The following PDE10A variants were observed in gnomAD, a reference collection of about 807,000 sequenced individuals.
PDE10A encodes the protein cAMP and cAMP-inhibited cGMP 3',5'-cyclic phosphodiesterase 10A.
PDE10A carries 39 observed loss-of-function variants against 97.7 expected under a neutral mutation model. That is an observed-to-expected ratio of 0.40 (90% CI 0.31 to 0.52). The LOEUF is 0.52. Ranked by LOEUF, PDE10A falls within the 20% of genes least tolerant of loss-of-function variation. The pLI is 0.56. For synonymous variants in PDE10A, 371 were observed against 376.8 expected (o/e 0.98, Z 0.18); for missense variants, 731 against 1,047.8 (o/e 0.70, Z 4.17).
chr6:165,944,100 G>A (rs1432028676), intron 1 of PDE10A, among the ~76,000 whole-genome samples: 2 of 152,322 alleles, frequency 1.3e-5, no homozygotes, highest in African/African-American at 4.8e-5. Context: ...TCTTCACATG[G>A]CAGCAGCAAG....
intron 1 of PDE10A, among the ~76,000 whole-genome samples, chr6:165,554,068 G>A (rs748132262): frequency 6.6e-6 from 1 of 152,050 alleles, no homozygotes; most frequent in Non-Finnish European, 1.5e-5. Flanking sequence ...GGCACCAGAC[G>A]CTCAAATATA....
chr6:165,364,886 A>G (rs986774129), intron 18 of PDE10A, among the ~76,000 whole-genome samples: 52 of 152,180 alleles, frequency 3.4e-4, no homozygotes, highest in African/African-American at 1.2e-3. Context: ...AGGAAACAAA[A>G]GCAGAAATAA....
In PDE10A at chr6:165,637,609, C is replaced by T. The variant is rs554430131; in HGVS notation, c.865+24338G>A. Among the ~76,000 whole-genome samples the T allele has an allele frequency of 8.4e-4, 128 of 152,312 alleles. 1 individual carries two copies. The highest frequency in any genetic ancestry group is 3.4e-3 in the Middle Eastern group (1 of 294). Reference sequence around the variant, plus strand: ...GCATAACAGGGTCACAAAAACAAAACCCCACTTTGTTTCCAGGCATCATGT... The same window carrying T: ...GCATAACAGGGTCACAAAAACAAAATCCCACTTTGTTTCCAGGCATCATGT... On this transcript the variant is annotated intron_variant, in intron 1 of 21. Transcript: ENST00000539869.
At chr6:165,508,618 C>T (rs1781336751) in intron 2 of PDE10A, among the ~76,000 whole-genome samples, 1 of 151,982 alleles carries the variant, frequency 6.6e-6, no homozygotes, top group Admixed American at 6.6e-5. Context: ...AGCTATTCTC[C>T]ACACTGGTGA....
At chr6:165,616,362 C>T (rs1205079229) in intron 1 of PDE10A, among the ~76,000 whole-genome samples, 1 of 152,114 alleles carries the variant, frequency 6.6e-6, no homozygotes, top group Non-Finnish European at 1.5e-5. Flanking sequence ...CTTCAGCAGC[C>T]ATTGCATGAT....
chr6:165,916,887 C>G (rs1726056886), intron 1 of PDE10A, among the ~76,000 whole-genome samples: 1 of 152,074 alleles, frequency 6.6e-6, no homozygotes, highest in African/African-American at 2.4e-5. Flanking sequence ...ACCTCCCACT[C>G]CACCATACAT....
At chr6:165,499,891 G>C (rs1780764024) in intron 2 of PDE10A, among the ~76,000 whole-genome samples, 2 of 152,108 alleles carry the variant, frequency 1.3e-5, no homozygotes, top group Non-Finnish European at 2.9e-5. Context: ...AAAAGTCAAT[G>C]TTCATTCAGG....
chr6:165,890,474 C>T (rs1461098757), intron 1 of PDE10A, among the ~76,000 whole-genome samples: 1 of 151,012 alleles, frequency 6.6e-6, no homozygotes, highest in Non-Finnish European at 1.5e-5. Flanking sequence ...TTTTTGTCCT[C>T]CTGAGTATGT....
At chr6:165,348,995 T>C (rs1467841720) in intron 18 of PDE10A, among the ~76,000 whole-genome samples, 2 of 152,192 alleles carry the variant, frequency 1.3e-5, no homozygotes, top group African/African-American at 4.8e-5. Context: ...CTTTATAAAT[T>C]ACCCAGTCTT....
chr6:165,755,298 C>T (rs1793092686), intron 1 of PDE10A, among the ~76,000 whole-genome samples: 1 of 152,260 alleles, frequency 6.6e-6, no homozygotes, highest in Middle Eastern at 3.4e-3. Flanking sequence ...CTAATAGTTG[C>T]CCAACTCTCA....
At chr6:165,599,967 T>C (rs1366064567) in intron 1 of PDE10A, among the ~76,000 whole-genome samples, 1 of 152,178 alleles carries the variant, frequency 6.6e-6, no homozygotes, top group African/African-American at 2.4e-5. Flanking sequence ...AGGCCTAGGA[T>C]TGGCCAACTG....
intron 3 of PDE10A, among the ~76,000 whole-genome samples, chr6:165,455,314 A>C (rs1777890489): frequency 6.6e-6 from 1 of 152,040 alleles, no homozygotes; most frequent in African/African-American, 2.4e-5. Context: ...AATGAGCCAC[A>C]CTGGGGTCTC....
intron 1 of PDE10A, among the ~76,000 whole-genome samples, chr6:165,930,173 G>T (rs565584275): frequency 2.0e-5 from 3 of 152,200 alleles, no homozygotes; most frequent in Admixed American, 2.0e-4. Flanking sequence ...GGTGGCAGGT[G>T]GGAAGGTTCA....
intron 1 of PDE10A, among the ~76,000 whole-genome samples, chr6:165,880,331 C>T (rs1781441264): frequency 6.6e-6 from 1 of 152,116 alleles, no homozygotes; most frequent in African/African-American, 2.4e-5. Context: ...TAAATTTGCC[C>T]TGTTCAAATT....
rs1204809097 is a variant in PDE10A, at chr6:165,388,744, TA to T, written c.2455-292del. ...GGAAAAGGTGCAGGAGGTATCAACT[TA>T]AAGGTATAAAGCAAATGTTCCAAAA... On this transcript the variant is annotated intron_variant, in intron 16 of 21. Coordinates refer to ENST00000539869, the MANE Select transcript of PDE10A (RefSeq NM_001385079.1). This position sits in a 1 kb window ranked among gnomAD's most constrained non-coding sequence, Gnocchi z 4.0. 1.3e-5 allele frequency among the ~76,000 whole-genome samples: 2 copies of T among 152,080 alleles called. No homozygotes were observed. Among genetic ancestry groups the T allele is most frequent in the Non-Finnish European group, 2.9e-5 (2 of 68,032 alleles).
intron 5 of PDE10A, among the ~76,000 whole-genome samples, chr6:165,438,032 C>G (rs1409252907): frequency 1.3e-5 from 2 of 152,206 alleles, no homozygotes; most frequent in African/African-American, 4.8e-5. Context: ...GAAGTTTACA[C>G]ATACTCAGCG....
chr6:165,411,578 C>T (rs572088206), intron 13 of PDE10A, among the ~76,000 whole-genome samples: 21 of 152,344 alleles, frequency 1.4e-4, no homozygotes, highest in African/African-American at 4.6e-4. Flanking sequence ...TTAAGCCACA[C>T]AGTCTGTGAT....
At chr6:165,621,080 T>C (rs910423049) in intron 1 of PDE10A, among the ~76,000 whole-genome samples, 2 of 151,838 alleles carry the variant, frequency 1.3e-5, no homozygotes, top group African/African-American at 4.8e-5. Flanking sequence ...CTCACACTAT[T>C]AGTCTTTACT....
intron 1 of PDE10A, among the ~76,000 whole-genome samples, chr6:165,631,896 T>C (rs946995555): frequency 1.3e-5 from 2 of 152,086 alleles, no homozygotes; most frequent in African/African-American, 4.8e-5. Flanking sequence ...CTGAAAAATA[T>C]TGTTTTAAAG....
Sources: allele counts gnomAD v4.1 joint callset (sites outside exome capture counted in the v4.1 genomes callset), GRCh38; gene constraint gnomAD v4.1.1; non-coding constraint Gnocchi (gnomAD v3.1); transcripts MANE v1.5; gene names NCBI Gene and HGNC (gene_info 2026-07-23, HGNC 2026-07-21).